Variants in ELOVL7 observed in about 807,000 individuals in gnomAD.
The protein encoded by ELOVL7 is very long chain fatty acid elongase 7.
ELOVL7 carries 27 observed loss-of-function variants against 35.7 expected under a neutral mutation model. The observed-to-expected ratio is 0.76, with a 90% CI of 0.56 to 1.04. The LOEUF (loss-of-function observed/expected upper bound fraction) is 1.04. ELOVL7 is among the 50% of genes least tolerant of loss of function. The pLI, the probability that ELOVL7 is intolerant of heterozygous loss-of-function variation, is 0.00. For missense variants in ELOVL7, 327 were observed against 340.8 expected (o/e 0.96, Z 0.32); for synonymous variants, 113 against 114.6 (o/e 0.99, Z 0.09).
chr5:60,818,790 G>A (rs561262735), intron 1 of ELOVL7, among the ~76,000 whole-genome samples: 7 of 150,730 alleles, frequency 4.6e-5, no homozygotes, highest in East Asian at 2.0e-4. Context: ...GGTGGATCAC[G>A]AGGTCAGGAA....
intron 1 of ELOVL7, among the ~76,000 whole-genome samples, chr5:60,811,941 T>C (rs1745258451): frequency 6.6e-6 from 1 of 152,194 alleles, no homozygotes. Context: ...TAATTCCAGG[T>C]ACAGTCACTC....
At chr5:60,818,973 T>A (rs1021289519) in intron 1 of ELOVL7, among the ~76,000 whole-genome samples, 2 of 143,988 alleles carry the variant, frequency 1.4e-5, no homozygotes, top group Middle Eastern at 3.6e-3. Flanking sequence ...ATTGTGCCAC[T>A]GCACTCCAGC....
intron 2 of ELOVL7, among the ~76,000 whole-genome samples, chr5:60,792,703 A>G (rs1360976331): frequency 6.6e-6 from 1 of 152,186 alleles, no homozygotes; most frequent in Non-Finnish European, 1.5e-5. Context: ...GGAGGGAGCA[A>G]TTTACTCCAT....
intron 1 of ELOVL7, among the ~76,000 whole-genome samples, chr5:60,799,641 G>A (rs1744470397): frequency 6.6e-6 from 1 of 152,128 alleles, no homozygotes; most frequent in Non-Finnish European, 1.5e-5. Flanking sequence ...AATCTAAACA[G>A]ACCAACAAGG....
At chr5:60,791,176 A>G (rs1002100247) in intron 2 of ELOVL7, among the ~76,000 whole-genome samples, 1 of 152,152 alleles carries the variant, frequency 6.6e-6, no homozygotes, top group Admixed American at 6.5e-5. Context: ...GGATTTCACT[A>G]TGTTGCTCAG....
intron 1 of ELOVL7, among the ~76,000 whole-genome samples, chr5:60,840,014 G>A (rs1249984248): frequency 1.3e-5 from 2 of 152,038 alleles, no homozygotes; most frequent in Non-Finnish European, 2.9e-5. Flanking sequence ...GGAGAAAAGA[G>A]CATCCTTCTG....
Position 60,837,463 on chromosome 5 carries a change from AAG to A in ELOVL7, c.-86+6695_-86+6696del, listed in dbSNP as rs563031207. The stretch of plus-strand genomic sequence containing the variant: ...CACAGTGAGACTCCACCTCAAAAAA[AAG>A]AGAGATTCATTGCAACTATTACTTA... On this transcript the variant is annotated intron_variant, in intron 1 of 8. Coordinates refer to ENST00000508821, the MANE Select transcript of ELOVL7 (RefSeq NM_024930.3). Among the ~76,000 whole-genome samples the A allele has an allele frequency of 2.0e-4, 31 of 152,200 alleles. No homozygotes were observed. In the East Asian group the frequency reaches 5.4e-3, roughly 27 times the overall value.
intron 1 of ELOVL7, among the ~76,000 whole-genome samples, chr5:60,831,423 C>G (rs538404786): frequency 6.6e-6 from 1 of 152,192 alleles, no homozygotes; most frequent in African/African-American, 2.4e-5. Flanking sequence ...CATGTATACA[C>G]AAATGTGATG....
chr5:60,819,037 A>G (rs1579913423), intron 1 of ELOVL7, among the ~76,000 whole-genome samples: 1 of 76 alleles, frequency 0.013, no homozygotes, highest in African/African-American at 0.045. Context: ...AGGGGAGGGG[A>G]GGGGAGGGGA....
Position 60,767,832 on chromosome 5 carries a change from T to C in ELOVL7, c.327A>G (p.Thr109=). 1.2e-6 allele frequency: 2 copies of C among 1,613,514 alleles called. No individual in the cohort carries two copies. Among genetic ancestry groups the C allele is most frequent in the Non-Finnish European group, 1.7e-6 (2 of 1,179,486 alleles). Residue 109 remains threonine (T), a synonymous_variant, in exon 5 of 9, where the codon ACA becomes ACG. Coordinates refer to ENST00000508821, the MANE Select transcript of ELOVL7 (RefSeq NM_024930.3). The part of the protein sequence containing the change: ...CDIVDYSRSP[T]ALRMARTCWL... ...CCAAAGAGAAACTTACCCTCAAAGC[T>C]GTGGGTGACCGTGAATAGTCAACAA...
intron 1 of ELOVL7, among the ~76,000 whole-genome samples, chr5:60,807,987 C>T (rs1191329887): frequency 3.0e-5 from 3 of 101,642 alleles, no homozygotes; most frequent in African/African-American, 3.6e-5. Context: ...CGTGAGACTC[C>T]GTCTCAAAAA....
At position 60,761,353 on chromosome 5, in the gene ELOVL7, T is replaced by C. The variant is rs376910612; in HGVS notation, c.499+2874A>G. ...GGATTGCTATTACCCCATTGAGGAG[T>C]ACAACAGAAAAATAGGAAATTAAAT... On this transcript the variant is annotated intron_variant, in intron 7 of 8. Transcript: ENST00000508821. 7.2e-5 allele frequency among the ~76,000 whole-genome samples: 11 copies of C among 152,140 alleles called. No homozygotes were observed. In the South Asian group the frequency reaches 2.3e-3, roughly 32 times the overall value.
intron 4 of ELOVL7, among the ~76,000 whole-genome samples, chr5:60,771,642 T>A (rs1270766753): frequency 3.3e-5 from 5 of 152,216 alleles, no homozygotes; most frequent in African/African-American, 1.2e-4. Context: ...AATTCAATAA[T>A]CCATTAAGGC....
At position 60,844,259 on chromosome 5, in the gene ELOVL7, G is replaced by T. The variant is rs34598791; in HGVS notation, c.-185C>A. ...TCCTCACAGCGGCCCCCGCTGTCCCGGCCGCCGACTGGGTTGGAAAGGGGA... is the reference window on the plus strand; with the variant it reads ...TCCTCACAGCGGCCCCCGCTGTCCCTGCCGCCGACTGGGTTGGAAAGGGGA... On this transcript the variant is annotated 5_prime_UTR_variant, in exon 1 of 9. Coordinates refer to ENST00000508821, the MANE Select transcript of ELOVL7 (RefSeq NM_024930.3). 0.2 allele frequency: 30,192 copies of T among 151,884 alleles called. 3,569 individuals are homozygous for T. The highest frequency in any genetic ancestry group is 0.26 in the Non-Finnish European group (17,918 of 67,890). 9.4% of individuals were successfully genotyped at this position (151,884 alleles called of 1,614,324 possible).
intron 1 of ELOVL7, among the ~76,000 whole-genome samples, chr5:60,811,585 C>A (rs1404188120): frequency 6.6e-6 from 1 of 152,104 alleles, no homozygotes; most frequent in African/African-American, 2.4e-5. Flanking sequence ...GGCCATCAAC[C>A]TTTGTCTTCA....
In ELOVL7 at chr5:60,787,443, T is replaced by C; in HGVS notation, c.-34-12A>G. On this transcript the variant is annotated splice_polypyrimidine_tract_variant and intron_variant, in intron 2 of 8. Coordinates refer to ENST00000508821, the MANE Select transcript of ELOVL7 (RefSeq NM_024930.3). Reference sequence around the variant, plus strand: ...TCTTTTAATGGGTTCTTCAGTAAAATAAAACAGAAATGAGTTTATAATCTA... The same window carrying C: ...TCTTTTAATGGGTTCTTCAGTAAAACAAAACAGAAATGAGTTTATAATCTA... 2.8e-6 allele frequency: 4 copies of C among 1,428,418 alleles called. No homozygotes were observed. The East Asian group carries it at 9.6e-5, about 34-fold the overall frequency. The allele number at this position is 1,428,418 out of a possible 1,614,324, so 88.5% of individuals were successfully genotyped here.
chr5:60,796,333 T>C (rs914435414), intron 2 of ELOVL7, among the ~76,000 whole-genome samples: 2 of 152,184 alleles, frequency 1.3e-5, no homozygotes, highest in Non-Finnish European at 2.9e-5. Context: ...GGGATGACTA[T>C]AAAGTAATTA....
intron 3 of ELOVL7, among the ~76,000 whole-genome samples, chr5:60,774,995 A>G (rs1742819146): frequency 6.6e-6 from 1 of 152,010 alleles, no homozygotes; most frequent in East Asian, 1.9e-4. Flanking sequence ...CAAACTCCTG[A>G]CCTCGTGATC....
At chr5:60,833,101 A>C (rs1411770582) in intron 1 of ELOVL7, among the ~76,000 whole-genome samples, 1 of 152,202 alleles carries the variant, frequency 6.6e-6, no homozygotes, top group Non-Finnish European at 1.5e-5. Flanking sequence ...GAGGGGGGCA[A>C]TCCAAGAGCT....
Sources: gnomAD v4.1 joint callset for allele counts (sites outside exome capture counted in the v4.1 genomes callset) on GRCh38, gnomAD v4.1.1 for gene constraint, MANE v1.5 for transcripts, NCBI Gene and HGNC (gene_info 2026-07-23, HGNC 2026-07-21) for gene names.